WNK1: variants seen among roughly 807,000 people sequenced by gnomAD.
WNK1 encodes WNK lysine deficient protein kinase 1.
In WNK1, 38 loss-of-function variants were observed where a neutral mutation model predicts 222.8. That is an observed-to-expected ratio of 0.17 (90% CI 0.13 to 0.22). The LOEUF is 0.22. Among genes scored for constraint, WNK1 ranks in the 10% least tolerant of loss-of-function variants. The probability of loss-of-function intolerance (pLI) is 1.00; values close to 1 mark genes in which losing one functional copy is unlikely to be tolerated. For synonymous variants in WNK1, 1,090 were observed against 1,092.9 expected, an observed-to-expected ratio of 1.00 and a Z score of 0.05; for missense variants, 2,348 against 2,918.4, an observed-to-expected ratio of 0.80 and a Z score of 4.50.
Position 880,768 on chromosome 12 carries a change from T to C in WNK1, c.2880T>C (p.Ile960=), listed in dbSNP as rs868828841. 1.2e-5 allele frequency: 20 copies of C among 1,613,922 alleles called. No homozygotes were observed. The Middle Eastern group carries it at 1.6e-3, about 133-fold the overall frequency. Residue 960 remains isoleucine (I), a synonymous_variant, in exon 12 of 28, where the codon ATT becomes ATC. Transcript: ENST00000315939. ...LPPQYPGDSN[I]APSSNVASVC... ...CACAGTACCCAGGAGATTCAAATAT[T>C]GCTCCCTCTTCCAACGTGGCTTCTG...
At chr12:777,859 T>C (rs1276234473) in intron 1 of WNK1, among the ~76,000 whole-genome samples, 1 of 152,212 alleles carries the variant, frequency 6.6e-6, no homozygotes, top group African/African-American at 2.4e-5. Context: ...TTATCATCTG[T>C]GTTTGTTTGC....
chr12:838,158 G>T (rs1490936519), intron 4 of WNK1, among the ~76,000 whole-genome samples: 3 of 151,614 alleles, frequency 2.0e-5, no homozygotes, highest in South Asian at 4.2e-4. Context: ...TAGACATTTG[G>T]ACTGTTCCTA....
intron 16 of WNK1, 81 bp from the exon 17 acceptor site, chr12:883,693 C>T (rs1180831889): frequency 1.9e-6 from 3 of 1,594,982 alleles, no homozygotes; most frequent in Non-Finnish European, 2.6e-6. Flanking sequence ...CTTTTATGTT[C>T]TCTTCACATG....
intron 11 of WNK1, 62 bp from the exon 12 acceptor site, chr12:880,659 C>G: frequency 6.8e-7 from 1 of 1,473,682 alleles, no homozygotes; most frequent in Non-Finnish European, 9.3e-7. Context: ...GCATGTCTTG[C>G]TGTTTTGCTA....
intron 26 of WNK1, chr12:901,423 A>T: frequency 2.5e-6 from 1 of 401,276 alleles, no homozygotes. Context: ...TACATATCTG[A>T]CCTTCCCCCC....
intron 3 of WNK1, among the ~76,000 whole-genome samples, chr12:829,173 A>G (rs554734600): frequency 6.6e-6 from 1 of 152,316 alleles, no homozygotes; most frequent in African/African-American, 2.4e-5. Flanking sequence ...GAAATGCCTA[A>G]TAATTTGAGG....
intron 4 of WNK1, among the ~76,000 whole-genome samples, chr12:839,614 A>G (rs902740018): frequency 2.6e-5 from 4 of 152,224 alleles, no homozygotes; most frequent in African/African-American, 7.2e-5. Context: ...AGATCAAACA[A>G]TATCAAACCT....
intron 2 of WNK1, among the ~76,000 whole-genome samples, chr12:824,493 G>A (rs1256617780): frequency 6.6e-6 from 1 of 151,938 alleles, no homozygotes; most frequent in African/African-American, 2.4e-5. Context: ...AAAATGAAAT[G>A]TGAATCATAA....
chr12:903,657 T>C (rs545699981), intron 26 of WNK1, among the ~76,000 whole-genome samples: 1 of 152,202 alleles, frequency 6.6e-6, no homozygotes, highest in South Asian at 2.1e-4. Context: ...TTGAATCTTG[T>C]CACTTCCCTT....
intron 1 of WNK1, among the ~76,000 whole-genome samples, chr12:812,076 T>TC (rs1946958233): frequency 6.6e-6 from 1 of 152,324 alleles, no homozygotes; most frequent in Non-Finnish European, 1.5e-5. Context: ...CCCGTTTTTT[T>TC]CCCTCTATGC....
chr12:753,939 T>A lies in WNK1; in HGVS notation c.374T>A (p.Val125Glu), dbSNP rs924271543. ...APPEPHREET[V>E]TATATSQVAQ... ...CCGGAGCCCCACCGGGAAGAGACCG[T>A]GACCGCCACCGCCACTTCCCAGGTA... The change falls in exon 1 of 28, where the codon GTG (valine) becomes GAG (glutamate). Residue 125 changes from valine (V) to glutamate (E), a missense_variant. By Grantham distance (121) the Val-to-Glu change is moderately radical (BLOSUM62 -2). Coordinates refer to ENST00000315939, the MANE Select transcript of WNK1 (RefSeq NM_018979.4). The surrounding 1 kb of genome is among the most constrained non-coding windows in gnomAD (Gnocchi z 5.2). 3 of 1,600,184 alleles carry A rather than the reference T, an allele frequency of 1.9e-6. No individual in the cohort carries two copies. In the African/African-American group the frequency reaches 4.0e-5, roughly 21 times the overall value.
rs750958116 is a variant in WNK1, at chr12:881,957, G to A, written c.3256G>A (p.Val1086Ile). The A allele has an allele frequency of 8.7e-6, 14 of 1,613,970 alleles. No individual in the cohort carries two copies. Among genetic ancestry groups the A allele is most frequent in the East Asian group, 4.5e-5 (2 of 44,894 alleles). Residue 1086 changes from valine (V) to isoleucine (I), a missense_variant, in exon 14 of 28, where the codon GTC becomes ATC. By Grantham distance (29) the Val-to-Ile change is conservative. Coordinates refer to ENST00000315939, the MANE Select transcript of WNK1 (RefSeq NM_018979.4). The part of the protein sequence containing the change: ...ASGMSDGNEN[V>I]PSSSGRHEGR... ...AGGTATGAGTGATGGCAATGAGAACGTCCCATCTTCCAGTGGAAGGCATGA... is the reference window on the plus strand; with the variant it reads ...AGGTATGAGTGATGGCAATGAGAACATCCCATCTTCCAGTGGAAGGCATGA...
Position 767,234 on chromosome 12 carries a change from G to GTTTT in WNK1, c.759+12942_759+12945dup, listed in dbSNP as rs71051382. 2.6e-3 allele frequency among the ~76,000 whole-genome samples: 181 copies of GTTTT among 70,884 alleles called. 9 individuals are homozygous for GTTTT. The highest frequency in any genetic ancestry group is 0.011 in the Middle Eastern group (1 of 94). 46.5% of individuals were successfully genotyped at this position (70,884 alleles called of 152,430 possible). A position where few individuals can be genotyped will look rare whatever the true frequency, so the allele number is the denominator to read the frequency against. On this transcript the variant is annotated intron_variant, in intron 1 of 27. Transcript: ENST00000315939. ...TGTGGCAGACTTTCTGGGTTGATAGGTTTTTTTTTTTTTTTTTTTTTTTTT... is the reference window on the plus strand; with the variant it reads ...TGTGGCAGACTTTCTGGGTTGATAGGTTTTTTTTTTTTTTTTTTTTTTTTTTTTT...
intron 22 of WNK1, among the ~76,000 whole-genome samples, chr12:893,822 C>CT (rs1954495502): frequency 1.0e-4 from 3 of 30,020 alleles, no homozygotes; most frequent in Non-Finnish European, 1.5e-4. Context: ...GACTCCATCT[C>CT]AAATAATAAT....
chr12:882,432 C>T (rs1211162034), intron 14 of WNK1, among the ~76,000 whole-genome samples: 6 of 152,192 alleles, frequency 3.9e-5, no homozygotes, highest in Non-Finnish European at 8.8e-5. Context: ...CTCCTGACCT[C>T]AGGTGACTCA....
intron 11 of WNK1, 103 bp from the exon 12 acceptor site, chr12:880,618 T>A: frequency 7.8e-7 from 1 of 1,273,998 alleles, no homozygotes; most frequent in Non-Finnish European, 1.1e-6. Context: ...CTACTATTCT[T>A]CTTTGCTGTG....
At chr12:802,685 G>A (rs973314799) in intron 1 of WNK1, among the ~76,000 whole-genome samples, 1 of 152,102 alleles carries the variant, frequency 6.6e-6, no homozygotes, top group Non-Finnish European at 1.5e-5. Flanking sequence ...GGAAGTATAG[G>A]GGGTTGGAAC....
At chr12:866,257 T>A (rs551423965) in intron 8 of WNK1, among the ~76,000 whole-genome samples, 3 of 152,358 alleles carry the variant, frequency 2.0e-5, no homozygotes, top group Admixed American at 2.0e-4. Context: ...TTGTGAACAG[T>A]TGATCTACTT....
chr12:853,803 T>A (rs1950573579), intron 4 of WNK1, among the ~76,000 whole-genome samples: 1 of 151,994 alleles, frequency 6.6e-6, no homozygotes, highest in East Asian at 1.9e-4. Context: ...CAGGCGAGAG[T>A]GCAGTGGCAC....
Sources: allele counts gnomAD v4.1 joint callset (sites outside exome capture counted in the v4.1 genomes callset), GRCh38; gene constraint gnomAD v4.1.1; non-coding constraint Gnocchi (gnomAD v3.1); transcripts MANE v1.5; gene names NCBI Gene and HGNC (gene_info 2026-07-23, HGNC 2026-07-21).